Variants in GPM6A observed in about 807,000 individuals in gnomAD.
GPM6A encodes glycoprotein M6A.
Under a neutral mutation model 32.1 loss-of-function variants are expected in GPM6A, and 7 were observed. That is an observed-to-expected ratio of 0.22 (90% confidence interval 0.12 to 0.41). The LOEUF (loss-of-function observed/expected upper bound fraction) is 0.41. Ranked by LOEUF, GPM6A falls within the 10% of genes least tolerant of loss-of-function variation. The pLI is 1.00. For synonymous variants in GPM6A, 130 were observed against 123.4 expected (o/e 1.05, Z -0.35); for missense variants, 235 against 347.2 (o/e 0.68, Z 2.57).
chr4:175,878,265 T>C (rs1336776744), intron 1 of GPM6A, among the ~76,000 whole-genome samples: 1 of 152,154 alleles, frequency 6.6e-6, no homozygotes, highest in Non-Finnish European at 1.5e-5. Flanking sequence ...GTGGCCCTCT[T>C]CTCACAGATC....
At chr4:175,695,863 C>A (rs1367597943) in intron 2 of GPM6A, among the ~76,000 whole-genome samples, 2 of 152,114 alleles carry the variant, frequency 1.3e-5, no homozygotes, top group Non-Finnish European at 2.9e-5. Flanking sequence ...CAATTATAAT[C>A]CCCATTGTGG....
At chr4:175,937,315 A>G (rs1434751108) in intron 1 of GPM6A, among the ~76,000 whole-genome samples, 1 of 152,118 alleles carries the variant, frequency 6.6e-6, no homozygotes, top group Non-Finnish European at 1.5e-5. Context: ...AATTAAATAC[A>G]CTAGTTTACA....
chr4:175,851,342 G>A (rs560495030), intron 1 of GPM6A, among the ~76,000 whole-genome samples: 1 of 152,200 alleles, frequency 6.6e-6, no homozygotes, highest in Admixed American at 6.6e-5. Flanking sequence ...AAAATTAGCT[G>A]AGCATGGTGG....
In GPM6A at chr4:175,993,185, C is replaced by CTT. The variant is rs553051620; in HGVS notation, c.-23+9122_-23+9123dup. Among the ~76,000 whole-genome samples the CTT allele has an allele frequency of 2.6e-3, 354 of 137,744 alleles. 2 individuals carry two copies. The highest frequency in any genetic ancestry group is 8.6e-3 in the African/African-American group (328 of 38,058). The allele number at this position is 137,744 out of a possible 152,430, so 90.4% of individuals were successfully genotyped here. A position where few individuals can be genotyped will look rare whatever the true frequency, so the allele number is the denominator to read the frequency against. ...CTTTCTTCCTTACTTTTCTTCCTTT[C>CTT]TTTTTTTTTTTTCCTAGTCCTTGTA... On this transcript the variant is annotated intron_variant, in intron 1 of 7. Coordinates refer to the GPM6A transcript ENST00000280187.
intron 1 of GPM6A, among the ~76,000 whole-genome samples, chr4:175,717,265 T>A (rs1342634696): frequency 6.6e-6 from 1 of 152,194 alleles, no homozygotes; most frequent in South Asian, 2.1e-4. Flanking sequence ...TGCTTACAGC[T>A]TAAATATCTC....
chr4:175,963,862 G>A (rs1028897694), intron 1 of GPM6A, among the ~76,000 whole-genome samples: 1 of 152,074 alleles, frequency 6.6e-6, no homozygotes, highest in African/African-American at 2.4e-5. Context: ...TAAGAGGGAG[G>A]AATTTGGAAT....
At chr4:175,932,443 G>GC (rs1739082687) in intron 1 of GPM6A, among the ~76,000 whole-genome samples, 1 of 152,174 alleles carries the variant, frequency 6.6e-6, no homozygotes, top group Non-Finnish European at 1.5e-5. Context: ...ACCTGTGAGC[G>GC]CCTTGATCTC....
chr4:175,796,305 C>T (rs1354393888), intron 1 of GPM6A, among the ~76,000 whole-genome samples: 6 of 151,888 alleles, frequency 4.0e-5, no homozygotes, highest in Admixed American at 6.6e-5. Flanking sequence ...GACAAGGAGG[C>T]GATATAACAT....
intron 1 of GPM6A, among the ~76,000 whole-genome samples, chr4:175,914,436 C>CT (rs575842469): frequency 2.0e-3 from 304 of 152,258 alleles, no homozygotes; most frequent in African/African-American, 6.6e-3. Flanking sequence ...ATTTCTCCTG[C>CT]TTCTGCCTCC....
At chr4:175,730,920 T>C (rs566719583) in intron 1 of GPM6A, among the ~76,000 whole-genome samples, 1 of 152,214 alleles carries the variant, frequency 6.6e-6, no homozygotes, top group Non-Finnish European at 1.5e-5. Flanking sequence ...GATCCATCAG[T>C]TTTCTGGTCT....
intron 1 of GPM6A, among the ~76,000 whole-genome samples, chr4:175,723,039 C>A (rs886169164): frequency 6.6e-6 from 1 of 152,074 alleles, no homozygotes; most frequent in Non-Finnish European, 1.5e-5. Flanking sequence ...ACAGAGACCC[C>A]GTCTAAAGTA....
intron 1 of GPM6A, among the ~76,000 whole-genome samples, chr4:175,768,290 T>C (rs1733053481): frequency 1.3e-5 from 2 of 152,184 alleles, no homozygotes; most frequent in South Asian, 2.1e-4. Context: ...GTGAATATTG[T>C]ATAAGAGAGT....
chr4:175,650,300 TTATTTATTTATTTATTTATTTTG>T (rs1456599426), intron 4 of GPM6A, among the ~76,000 whole-genome samples: 1 of 89,986 alleles, frequency 1.1e-5, no homozygotes, highest in East Asian at 5.1e-4. Context: ...ATTTATTTAT[TTATTTATTTATTTATTTATTTTG>T]AGATGGAGTC....
At chr4:175,687,278 T>C (rs896712558) in intron 2 of GPM6A, among the ~76,000 whole-genome samples, 1 of 152,132 alleles carries the variant, frequency 6.6e-6, no homozygotes, top group Non-Finnish European at 1.5e-5. Context: ...CATTCAAACG[T>C]TTTCATCTTA....
chr4:175,793,169 A>G (rs2111281420), intron 1 of GPM6A, among the ~76,000 whole-genome samples: 1 of 152,192 alleles, frequency 6.6e-6, no homozygotes, highest in East Asian at 1.9e-4. Context: ...TATTTTTGAT[A>G]GAACTCCTCC....
intron 1 of GPM6A, among the ~76,000 whole-genome samples, chr4:175,729,931 A>C (rs1731346133): frequency 1.4e-5 from 2 of 146,212 alleles, no homozygotes; most frequent in South Asian, 4.2e-4. Context: ...ATTTAATATA[A>C]ATTTAAATAA....
intron 1 of GPM6A, among the ~76,000 whole-genome samples, chr4:175,764,722 T>C (rs566148899): frequency 6.6e-6 from 1 of 152,120 alleles, no homozygotes; most frequent in Non-Finnish European, 1.5e-5. Flanking sequence ...ACATATTGAT[T>C]GGGATATCTG....
intron 1 of GPM6A, among the ~76,000 whole-genome samples, chr4:175,838,090 AACACACACACACACACACACAG>A (rs1560958624): frequency 8.7e-6 from 1 of 114,810 alleles, no homozygotes; most frequent in Non-Finnish European, 1.8e-5. Flanking sequence ...CCTTGGTTAA[AACACACACACACACACACACAG>A]ACACACACAC....
chr4:175,733,682 C>T (rs961656718), intron 1 of GPM6A, among the ~76,000 whole-genome samples: 65 of 152,036 alleles, frequency 4.3e-4, no homozygotes, highest in African/African-American at 1.5e-3. Context: ...ATTTTATGTA[C>T]CTGAGATCTA....
Sources: gnomAD v4.1 joint callset for allele counts (sites outside exome capture counted in the v4.1 genomes callset) on GRCh38, gnomAD v4.1.1 for gene constraint, MANE v1.5 for transcripts, NCBI Gene and HGNC (gene_info 2026-07-23, HGNC 2026-07-21) for gene names.